Variants in TMEM65 observed in about 807,000 individuals in gnomAD.
TMEM65 encodes the protein transmembrane protein 65.
TMEM65 carries 22 observed loss-of-function variants against 25.4 expected under a neutral mutation model. The observed-to-expected ratio is 0.86, with a 90% CI of 0.62 to 1.23. TMEM65 has a LOEUF of 1.23. Ranked by LOEUF, TMEM65 falls within the 50% of genes most tolerant of loss-of-function variation. TMEM65 has a pLI of 0.00. For synonymous variants in TMEM65, 132 were observed against 126.2 expected, an observed-to-expected ratio of 1.05 and a Z score of -0.31; for missense variants, 262 against 308.2, an observed-to-expected ratio of 0.85 and a Z score of 1.12.
chr8:124,318,367 TTG>T lies in TMEM65; in HGVS notation c.621+1717_621+1718del, dbSNP rs749716504. 3.4e-3 allele frequency among the ~76,000 whole-genome samples: 327 copies of T among 95,300 alleles called. 39 individuals carry two copies. The highest frequency in any genetic ancestry group is 0.016 in the Middle Eastern group (3 of 190). The allele number at this position is 95,300 out of a possible 152,430, so 62.5% of individuals were successfully genotyped here. A position where few individuals can be genotyped will look rare whatever the true frequency, so the allele number is the denominator to read the frequency against. ...TTTAAGCTGCTGAATTTGCATGTTTTTGTTTTTTTTTTTTTTTTTTTTTTTGA... is the reference window on the plus strand; with the variant it reads ...TTTAAGCTGCTGAATTTGCATGTTTTTTTTTTTTTTTTTTTTTTTTTTTGA... On this transcript the variant is annotated intron_variant, in intron 6 of 6. Coordinates refer to ENST00000297632, the MANE Select transcript of TMEM65 (RefSeq NM_194291.3).
At chr8:124,334,596 T>C (rs1394571843) in intron 1 of TMEM65, among the ~76,000 whole-genome samples, 1 of 151,638 alleles carries the variant, frequency 6.6e-6, no homozygotes, top group Non-Finnish European at 1.5e-5. Context: ...AAACCCCATC[T>C]GTACTAAAAA....
intron 1 of TMEM65, among the ~76,000 whole-genome samples, chr8:124,359,757 A>G (rs1318829236): frequency 6.6e-6 from 1 of 152,184 alleles, no homozygotes; most frequent in Non-Finnish European, 1.5e-5. Flanking sequence ...AAAAAAGGAA[A>G]AAGACTATAA....
chr8:124,351,125 G>C lies in TMEM65; in HGVS notation c.305-20333C>G, dbSNP rs375736563. Reference sequence around the variant, plus strand: ...GGTTTGGGATATCTGCATGCTAAAAGATATTTTAAAATCAAAATATATGCA... The same window carrying C: ...GGTTTGGGATATCTGCATGCTAAAACATATTTTAAAATCAAAATATATGCA... On this transcript the variant is annotated intron_variant, in intron 1 of 6. Transcript: ENST00000297632. 6.5e-5 allele frequency: 64 copies of C among 984,460 alleles called. No homozygotes were observed. In the East Asian group the frequency reaches 6.7e-3, roughly 103 times the overall value. 61.0% of individuals were successfully genotyped at this position (984,460 alleles called of 1,614,324 possible). A position where few individuals can be genotyped will look rare whatever the true frequency, so the allele number is the denominator to read the frequency against.
chr8:124,345,494 T>C (rs1814630341), intron 1 of TMEM65, among the ~76,000 whole-genome samples: 1 of 152,242 alleles, frequency 6.6e-6, no homozygotes, highest in South Asian at 2.1e-4. Flanking sequence ...GCAACACCTA[T>C]AGTTTCTACA....
chr8:124,371,747 G>T, intron 1 of TMEM65, 107 bp downstream of exon 1: 2 of 1,118,488 alleles, frequency 1.8e-6, no homozygotes, highest in Non-Finnish European at 2.4e-6. Context: ...CGGAAGGGGG[G>T]CGGCGGCGGG....
chr8:124,347,161 G>C (rs2131216789), intron 1 of TMEM65, among the ~76,000 whole-genome samples: 1 of 152,170 alleles, frequency 6.6e-6, no homozygotes, highest in African/African-American at 2.4e-5. Context: ...GCTTTCTAAA[G>C]TTAAGCTCTT....
At chr8:124,333,112 T>G (rs1179387925) in intron 1 of TMEM65, among the ~76,000 whole-genome samples, 1 of 151,710 alleles carries the variant, frequency 6.6e-6, no homozygotes. Flanking sequence ...CAATTTTTTT[T>G]AAAATCAGAA....
At chr8:124,366,180 C>T (rs1814936250) in intron 1 of TMEM65, among the ~76,000 whole-genome samples, 1 of 152,250 alleles carries the variant, frequency 6.6e-6, no homozygotes, top group South Asian at 2.1e-4. Flanking sequence ...CAAGATCACA[C>T]CACTGCACTC....
At chr8:124,330,869 C>A (rs943361342) in intron 1 of TMEM65, 77 bp from the exon 2 acceptor site, 2 of 1,329,782 alleles carry the variant, frequency 1.5e-6, no homozygotes, top group Non-Finnish European at 2.1e-6. Context: ...GAAGAAAATA[C>A]CAGAAGATTT....
chr8:124,351,699 T>C (rs1586469691), intron 1 of TMEM65, among the ~76,000 whole-genome samples: 1 of 152,178 alleles, frequency 6.6e-6, no homozygotes, highest in Admixed American at 6.5e-5. Flanking sequence ...CCAGGGTCAC[T>C]TCCCCTGAAA....
chr8:124,309,153 C>T lies in TMEM65; in HGVS notation c.*4807G>A, dbSNP rs928454789. ...TCTTTCTTCTACCTTTATTTTAATA[C>T]AATATATGATACATATAACATACAA... is the stretch of plus-strand genomic sequence containing the variant. On this transcript the variant is annotated 3_prime_UTR_variant, in exon 7 of 7. Transcript: ENST00000297632. 3 of 152,142 alleles carry T rather than the reference C, an allele frequency of 2.0e-5. No individual in the cohort carries two copies. Among genetic ancestry groups the T allele is most frequent in the Non-Finnish European group, 2.9e-5 (2 of 68,036 alleles). 9.4% of individuals were successfully genotyped at this position (152,142 alleles called of 1,614,324 possible).
In TMEM65 at chr8:124,330,811, A is replaced by G. The variant is rs72711173; in HGVS notation, c.305-19T>C. 0.011 allele frequency: 16,751 copies of G among 1,575,596 alleles called. 127 individuals are homozygous for G. The highest frequency in any genetic ancestry group is 0.022 in the South Asian group (1,907 of 85,932). ...AATTTTTCTAAAGGGGAGAAAAAGG[A>G]TGTGGGGCAAGAATTAGTTACTACA... On this transcript the variant is annotated intron_variant, in intron 1 of 6. Transcript: ENST00000297632.
intron 1 of TMEM65, among the ~76,000 whole-genome samples, chr8:124,362,519 A>G (rs1490578397): frequency 3.3e-5 from 5 of 151,838 alleles, no homozygotes; most frequent in African/African-American, 1.2e-4. Context: ...AAAATCAGCC[A>G]GGCATGGTGG....
chr8:124,369,102 G>A (rs1814978143), intron 1 of TMEM65, among the ~76,000 whole-genome samples: 1 of 152,152 alleles, frequency 6.6e-6, no homozygotes, highest in African/African-American at 2.4e-5. Flanking sequence ...GTAAAAACAT[G>A]AATAATGCTC....
At chr8:124,318,129 G>A (rs1041606241) in intron 6 of TMEM65, among the ~76,000 whole-genome samples, 2 of 152,066 alleles carry the variant, frequency 1.3e-5, no homozygotes, top group Non-Finnish European at 1.5e-5. Flanking sequence ...GGACATGAGA[G>A]TGCAACAGCA....
rs1276576185 is a variant in TMEM65 at position 124,312,509 on chromosome 8, T to C, written c.*1451A>G. ...AACTGCTGTAAAACCTCTGCATCTA[T>C]TTAGCAACACAAATAACTTCAAAAG... On this transcript the variant is annotated 3_prime_UTR_variant, in exon 7 of 7. Coordinates refer to ENST00000297632, the MANE Select transcript of TMEM65 (RefSeq NM_194291.3). The C allele has an allele frequency of 5.3e-5, 8 of 150,762 alleles. No individual in the cohort carries two copies. In the East Asian group the frequency reaches 1.6e-3, roughly 30 times the overall value. The allele number at this position is 150,762 out of a possible 1,614,324, so 9.3% of individuals were successfully genotyped here.
In TMEM65 at chr8:124,312,189, T is replaced by C. The variant is rs896368590; in HGVS notation, c.*1771A>G. On this transcript the variant is annotated 3_prime_UTR_variant, in exon 7 of 7. Coordinates refer to ENST00000297632, the MANE Select transcript of TMEM65 (RefSeq NM_194291.3). ...GAAATTTTACAAAGGATTTTTTGTG[T>C]GGTTATCTGTGTGTGGTTATTATAT... 2 of 145,126 alleles carry C rather than the reference T, an allele frequency of 1.4e-5. No individual in the cohort carries two copies. Among genetic ancestry groups the C allele is most frequent in the Non-Finnish European group, 3.0e-5 (2 of 65,700 alleles). The allele number at this position is 145,126 out of a possible 1,614,324, so 9.0% of individuals were successfully genotyped here.
chr8:124,350,020 T>C (rs1814686214), intron 1 of TMEM65, among the ~76,000 whole-genome samples: 1 of 152,188 alleles, frequency 6.6e-6, no homozygotes, highest in African/African-American at 2.4e-5. Flanking sequence ...ATTAAATGTT[T>C]AACTTCTACA....
intron 1 of TMEM65, among the ~76,000 whole-genome samples, chr8:124,365,886 TG>T (rs1365461582): frequency 2.6e-5 from 4 of 152,230 alleles, no homozygotes; most frequent in Non-Finnish European, 4.4e-5. Context: ...GAGAATATGT[TG>T]TTTTATGCCA....
Sources: gnomAD v4.1 joint callset for allele counts (sites outside exome capture counted in the v4.1 genomes callset) on GRCh38, gnomAD v4.1.1 for gene constraint, MANE v1.5 for transcripts, NCBI Gene and HGNC (gene_info 2026-07-23, HGNC 2026-07-21) for gene names.